GRM1: variants seen among roughly 807,000 people sequenced by gnomAD.
The protein encoded by GRM1 is glutamate metabotropic receptor 1.
A neutral mutation model predicts 90.9 loss-of-function variants in GRM1; 33 were observed. That is an observed-to-expected ratio of 0.36 (90% CI 0.28 to 0.49). GRM1 has a LOEUF of 0.49. Among genes scored for constraint, GRM1 ranks in the 20% least tolerant of loss-of-function variants. The pLI, the probability that GRM1 is intolerant of heterozygous loss-of-function variation, is 0.99. For missense variants in GRM1, 1,190 were observed against 1,534.3 expected, an observed-to-expected ratio of 0.78 and a Z score of 3.75; for synonymous variants, 700 against 613.2, an observed-to-expected ratio of 1.14 and a Z score of -2.09.
intron 2 of GRM1, among the ~76,000 whole-genome samples, chr6:146,194,249 C>T (rs1259535845): frequency 1.3e-5 from 2 of 152,098 alleles, no homozygotes; most frequent in African/African-American, 4.8e-5. Flanking sequence ...CAGCTTTCTC[C>T]TTTTTAGAGT....
intron 1 of GRM1, among the ~76,000 whole-genome samples, chr6:146,107,717 T>A (rs902172572): frequency 6.6e-6 from 1 of 152,338 alleles, no homozygotes; most frequent in Admixed American, 6.5e-5. Flanking sequence ...CATACTTTAA[T>A]GTATCCATGG....
chr6:146,282,184 G>A (rs1201261480), intron 2 of GRM1, among the ~76,000 whole-genome samples: 2 of 152,124 alleles, frequency 1.3e-5, no homozygotes, highest in Non-Finnish European at 2.9e-5. Context: ...CTTCTGACTA[G>A]AATGTTCTTT....
intron 2 of GRM1, among the ~76,000 whole-genome samples, chr6:146,237,365 G>T (rs1780686522): frequency 6.7e-6 from 1 of 148,616 alleles, no homozygotes; most frequent in African/African-American, 2.6e-5. Flanking sequence ...AGCTTTCAAA[G>T]GATTCCTTAA....
intron 1 of GRM1, among the ~76,000 whole-genome samples, chr6:146,038,102 T>C (rs900594376): frequency 2.0e-5 from 3 of 151,960 alleles, no homozygotes; most frequent in African/African-American, 7.2e-5. Flanking sequence ...CATTTTTTTT[T>C]CTCCAGCTCC....
intron 3 of GRM1, among the ~76,000 whole-genome samples, chr6:146,339,079 T>C (rs1270833251): frequency 6.6e-6 from 1 of 152,224 alleles, no homozygotes; most frequent in African/African-American, 2.4e-5. Flanking sequence ...CATGAACAGC[T>C]AAGTAGGCAA....
chr6:146,196,192 G>A (rs2114599068), intron 2 of GRM1, among the ~76,000 whole-genome samples: 1 of 152,156 alleles, frequency 6.6e-6, no homozygotes, highest in Non-Finnish European at 1.5e-5. Flanking sequence ...AGTTTTAAAT[G>A]CCATCTGAAA....
Position 146,390,292 on chromosome 6 carries a change from T to G in GRM1, c.1729+3276T>G, listed in dbSNP as rs559998960. Among the ~76,000 whole-genome samples the G allele has an allele frequency of 1.1e-4, 16 of 151,712 alleles. 1 individual carries two copies. Among genetic ancestry groups the G allele is most frequent in the Admixed American group, 4.6e-4 (7 of 15,180 alleles). On this transcript the variant is annotated intron_variant, in intron 6 of 7. Transcript: ENST00000282753. Reference sequence around the variant, plus strand: ...GGTTTTTATTTCCATTAAAATGTGGTTTTTTTTGGCTATGAAGAAATTAGT... The same window carrying G: ...GGTTTTTATTTCCATTAAAATGTGGGTTTTTTTGGCTATGAAGAAATTAGT...
rs756633092 is a variant in GRM1, at chr6:146,357,607, G to C, written c.1515G>C (p.Leu505=). 1.7e-5 allele frequency: 27 copies of C among 1,613,724 alleles called. No individual in the cohort carries two copies. In the South Asian group the frequency reaches 2.7e-4, roughly 16 times the overall value. ...VHVGTWHEGV[L]NIDDYKIQMN... Reference sequence around the variant, plus strand: ...TTGGAACCTGGCATGAAGGAGTGCTGAACATTGATGATTACAAAATCCAGA... The same window carrying C: ...TTGGAACCTGGCATGAAGGAGTGCTCAACATTGATGATTACAAAATCCAGA... Residue 505 remains leucine, a synonymous_variant, in exon 5 of 8, where the codon CTG becomes CTC. Transcript: ENST00000282753.
chr6:146,342,322 T>C (rs1417183288), intron 3 of GRM1, among the ~76,000 whole-genome samples: 10 of 152,358 alleles, frequency 6.6e-5, no homozygotes, highest in Admixed American at 6.5e-4. Context: ...TGATAAAATG[T>C]GGAAGGTCTC....
intron 2 of GRM1, among the ~76,000 whole-genome samples, chr6:146,214,146 CAT>C (rs1399189201): frequency 6.6e-6 from 1 of 152,130 alleles, no homozygotes; most frequent in African/African-American, 2.4e-5. Flanking sequence ...CTCTCAGACT[CAT>C]AAGCTGAGCT....
Position 146,436,379 on chromosome 6 carries a change from A to C in GRM1, c.*1583A>C, listed in dbSNP as rs1171318089. 2 of 152,244 alleles carry C rather than the reference A, an allele frequency of 1.3e-5. No homozygotes were observed. The highest frequency in any genetic ancestry group is 2.1e-4 in the South Asian group (1 of 4,834). 9.4% of individuals were successfully genotyped at this position (152,244 alleles called of 1,614,324 possible). ...AACTGAGAGTGAAAATAAAAGGTACATTTTATAAGCTTGCACACATTATTA... is the reference window on the plus strand; with the variant it reads ...AACTGAGAGTGAAAATAAAAGGTACCTTTTATAAGCTTGCACACATTATTA... On this transcript the variant is annotated 3_prime_UTR_variant, in exon 8 of 8. Coordinates refer to ENST00000282753, the MANE Select transcript of GRM1 (RefSeq NM_001278064.2).
At chr6:146,033,514 T>A (rs1477745766) in intron 1 of GRM1, among the ~76,000 whole-genome samples, 1 of 152,162 alleles carries the variant, frequency 6.6e-6, no homozygotes. Flanking sequence ...TTTGAGTGGA[T>A]AAATTTTCAT....
intron 2 of GRM1, among the ~76,000 whole-genome samples, chr6:146,186,871 ACTGT>A (rs978316201): frequency 6.6e-6 from 1 of 152,224 alleles, no homozygotes; most frequent in Admixed American, 6.5e-5. Flanking sequence ...TCCTAACTCA[ACTGT>A]CTAAGAAGGG....
chr6:146,182,101 C>T (rs1180905723), intron 2 of GRM1, among the ~76,000 whole-genome samples: 1 of 152,120 alleles, frequency 6.6e-6, no homozygotes, highest in East Asian at 1.9e-4. Flanking sequence ...ATGGATTGGA[C>T]ATAACATGAA....
chr6:146,173,893 T>C (rs1024816115), intron 2 of GRM1, among the ~76,000 whole-genome samples: 1 of 152,072 alleles, frequency 6.6e-6, no homozygotes, highest in African/African-American at 2.4e-5. Context: ...CCTGACCTTG[T>C]GATCCGCCCG....
At chr6:146,122,964 G>T (rs1583034149) in intron 1 of GRM1, among the ~76,000 whole-genome samples, 2 of 148,952 alleles carry the variant, frequency 1.3e-5, no homozygotes, top group South Asian at 4.2e-4. Context: ...CCTGCCTCAG[G>T]CTCCTGAGTA....
intron 1 of GRM1, among the ~76,000 whole-genome samples, chr6:146,141,764 T>C (rs1776888243): frequency 6.6e-6 from 1 of 152,204 alleles, no homozygotes; most frequent in African/African-American, 2.4e-5. Context: ...GTTAAATTTG[T>C]CTGATAGGAT....
At chr6:146,053,224 A>T (rs1314283349) in intron 1 of GRM1, among the ~76,000 whole-genome samples, 1 of 152,080 alleles carries the variant, frequency 6.6e-6, no homozygotes, top group Non-Finnish European at 1.5e-5. Flanking sequence ...CTTTCTTTTA[A>T]ATCATTCACT....
At chr6:146,270,900 TC>T (rs1562571201) in intron 2 of GRM1, among the ~76,000 whole-genome samples, 4 of 115,208 alleles carry the variant, frequency 3.5e-5, no homozygotes, top group Non-Finnish European at 5.1e-5. Context: ...TTTCTTTCTT[TC>T]TTTCTTTCTT....
Sources: gnomAD v4.1 joint callset for allele counts (sites outside exome capture counted in the v4.1 genomes callset) on GRCh38, gnomAD v4.1.1 for gene constraint, MANE v1.5 for transcripts, NCBI Gene and HGNC (gene_info 2026-07-23, HGNC 2026-07-21) for gene names.